Variants in ERBB4 observed in about 807,000 individuals in gnomAD.
ERBB4 encodes the protein erb-b2 receptor tyrosine kinase 4.
In ERBB4, 42 loss-of-function variants were observed where a neutral mutation model predicts 158.0. The ratio of observed to expected loss-of-function variants is 0.27; its 90% CI spans 0.21 to 0.34. The LOEUF is 0.34. Ranked by LOEUF, ERBB4 falls within the 10% of genes least tolerant of loss-of-function variation. ERBB4 has a pLI of 1.00. For synonymous variants in ERBB4, 583 were observed against 558.7 expected (o/e 1.04, Z -0.61); for missense variants, 1,333 against 1,624.1 (o/e 0.82, Z 3.08).
At chr2:212,109,337 C>G (rs1199083298) in intron 2 of ERBB4, among the ~76,000 whole-genome samples, 1 of 152,126 alleles carries the variant, frequency 6.6e-6, no homozygotes, top group Non-Finnish European at 1.5e-5. Flanking sequence ...AAATCTGCCT[C>G]CTTTCAGCTT....
intron 1 of ERBB4, among the ~76,000 whole-genome samples, chr2:212,227,547 G>C (rs1016418955): frequency 1.3e-5 from 2 of 152,026 alleles, no homozygotes; most frequent in Non-Finnish European, 2.9e-5. Flanking sequence ...TTTATATATT[G>C]AGAACCAATT....
chr2:212,511,314 A>C (rs375126804), intron 1 of ERBB4, among the ~76,000 whole-genome samples: 1 of 152,096 alleles, frequency 6.6e-6, no homozygotes, highest in South Asian at 2.1e-4. Context: ...TTCCATCCTA[A>C]CCACACAGTT....
At chr2:211,526,769 A>G (rs2066359646) in intron 20 of ERBB4, among the ~76,000 whole-genome samples, 1 of 152,134 alleles carries the variant, frequency 6.6e-6, no homozygotes, top group South Asian at 2.1e-4. Flanking sequence ...AGAATCAAGC[A>G]GAAATTCTGA....
intron 3 of ERBB4, among the ~76,000 whole-genome samples, chr2:211,900,370 TTAAA>T (rs1326133862): frequency 1.0e-4 from 10 of 98,704 alleles, no homozygotes; most frequent in Non-Finnish European, 1.9e-4. Flanking sequence ...TATTTTATGT[TTAAA>T]CACACACACA....
chr2:211,445,461 G>T (rs2064087954), intron 20 of ERBB4, among the ~76,000 whole-genome samples: 1 of 152,020 alleles, frequency 6.6e-6, no homozygotes. Flanking sequence ...TGCCAGAAAA[G>T]AATACCAGAA....
intron 7 of ERBB4, among the ~76,000 whole-genome samples, chr2:211,715,876 C>CA (rs2073878599): frequency 6.6e-6 from 1 of 152,106 alleles, no homozygotes; most frequent in Non-Finnish European, 1.5e-5. Context: ...GTGTAAGAAC[C>CA]AACTAATACA....
At chr2:212,441,777 G>A (rs1442864540) in intron 1 of ERBB4, among the ~76,000 whole-genome samples, 2 of 152,186 alleles carry the variant, frequency 1.3e-5, no homozygotes, top group Non-Finnish European at 2.9e-5. Flanking sequence ...AGCTGGAAAT[G>A]CCTGATCTCC....
At chr2:211,724,318 G>T (rs2074194315) in intron 6 of ERBB4, among the ~76,000 whole-genome samples, 1 of 149,918 alleles carries the variant, frequency 6.7e-6, no homozygotes, top group African/African-American at 2.4e-5. Flanking sequence ...TTAATATATG[G>T]TTTGCTCATT....
intron 20 of ERBB4, among the ~76,000 whole-genome samples, chr2:211,455,474 ATTGAAATCAG>A (rs1229663613): frequency 6.6e-6 from 1 of 152,210 alleles, no homozygotes; most frequent in African/African-American, 2.4e-5. Context: ...TATTTTGCCA[ATTGAAATCAG>A]TTCCTTCACC....
intron 1 of ERBB4, among the ~76,000 whole-genome samples, chr2:212,235,557 G>A (rs944989271): frequency 6.6e-6 from 1 of 152,132 alleles, no homozygotes; most frequent in African/African-American, 2.4e-5. Flanking sequence ...AATTACTTTG[G>A]GCAGTTTGGC....
intron 1 of ERBB4, among the ~76,000 whole-genome samples, chr2:212,297,364 G>C (rs878995318): frequency 1.2e-3 from 71 of 59,390 alleles, no homozygotes; most frequent in Non-Finnish European, 4.2e-3. Context: ...TTCATCCCTA[G>C]CCAAAATTGA....
chr2:212,307,179 C>T (rs989324478), intron 1 of ERBB4, among the ~76,000 whole-genome samples: 2 of 151,090 alleles, frequency 1.3e-5, no homozygotes, highest in East Asian at 2.0e-4. Context: ...TCAGTTTCCC[C>T]CTATGCTAAC....
At chr2:212,054,742 C>A (rs1023577879) in intron 2 of ERBB4, among the ~76,000 whole-genome samples, 1 of 152,094 alleles carries the variant, frequency 6.6e-6, no homozygotes, top group African/African-American at 2.4e-5. Context: ...TGCTGGCTGC[C>A]AAACAGTGGC....
At chr2:211,473,023 T>C (rs957526603) in intron 20 of ERBB4, among the ~76,000 whole-genome samples, 6 of 151,940 alleles carry the variant, frequency 3.9e-5, no homozygotes, top group Non-Finnish European at 7.4e-5. Context: ...CTGGAACCCA[T>C]AAATGTTACT....
intron 1 of ERBB4, among the ~76,000 whole-genome samples, chr2:212,309,741 G>GGTAA (rs2086954849): frequency 7.9e-6 from 1 of 127,308 alleles, no homozygotes; most frequent in East Asian, 2.9e-4. Flanking sequence ...TCAATGCCAT[G>GGTAA]GTAAGCTTTG....
chr2:211,510,628 T>C (rs1297315461), intron 20 of ERBB4, among the ~76,000 whole-genome samples: 5 of 152,114 alleles, frequency 3.3e-5, no homozygotes, highest in African/African-American at 1.2e-4. Flanking sequence ...GATGTGATTA[T>C]CTTGAAATTA....
At chr2:211,537,077 A>AT (rs546648335) in intron 20 of ERBB4, among the ~76,000 whole-genome samples, 99 of 152,094 alleles carry the variant, frequency 6.5e-4, no homozygotes, top group East Asian at 1.2e-3. Context: ...GAGTAAAACA[A>AT]TTTTTTTATT....
rs927539989 is a variant in ERBB4, at chr2:212,191,694, A to C, written c.83-66791T>G. Among the ~76,000 whole-genome samples the C allele has an allele frequency of 3.1e-4, 16 of 51,108 alleles. 1 individual carries two copies. Among genetic ancestry groups the C allele is most frequent in the African/African-American group, 8.5e-4 (16 of 18,828 alleles). 33.5% of individuals were successfully genotyped at this position (51,108 alleles called of 152,430 possible). A position where few individuals can be genotyped will look rare whatever the true frequency, so the allele number is the denominator to read the frequency against. On this transcript the variant is annotated intron_variant, in intron 1 of 27. Coordinates refer to ENST00000342788, the MANE Select transcript of ERBB4 (RefSeq NM_005235.3). Reference sequence around the variant, plus strand: ...ATATCGCGTGTGTTATACATGTTACATATAACACGTGTTATACATGTTACA... The same window carrying C: ...ATATCGCGTGTGTTATACATGTTACCTATAACACGTGTTATACATGTTACA...
At chr2:212,194,775 A>T (rs2082373217) in intron 1 of ERBB4, among the ~76,000 whole-genome samples, 1 of 152,066 alleles carries the variant, frequency 6.6e-6, no homozygotes, top group Non-Finnish European at 1.5e-5. Context: ...AGAATTTCTT[A>T]TGCAAAATGT....
Sources: gnomAD v4.1 joint callset for allele counts (sites outside exome capture counted in the v4.1 genomes callset) on GRCh38, gnomAD v4.1.1 for gene constraint, MANE v1.5 for transcripts, NCBI Gene and HGNC (gene_info 2026-07-23, HGNC 2026-07-21) for gene names.